Variants in SLC24A4 observed in about 807,000 individuals in gnomAD.
SLC24A4 encodes solute carrier family 24 member 4, also known as sodium/potassium/calcium exchanger 4.
SLC24A4 carries 53 observed loss-of-function variants against 79.0 expected under a neutral mutation model. The observed-to-expected ratio is 0.67, with a 90% CI of 0.54 to 0.84. The LOEUF (loss-of-function observed/expected upper bound fraction) is 0.84, where lower values mean the gene tolerates loss of function less well. Ranked by LOEUF, SLC24A4 falls within the 40% of genes least tolerant of loss-of-function variation. The pLI, the probability that SLC24A4 is intolerant of heterozygous loss-of-function variation, is 0.00. For synonymous variants in SLC24A4, 323 were observed against 323.8 expected (o/e 1.00, Z 0.03); for missense variants, 731 against 822.0 (o/e 0.89, Z 1.35).
rs569504158 is a variant in SLC24A4 at position 92,498,654 on chromosome 14, T to A, written c.*5026T>A. ...CTGGGACTACAGGCACGCGCCACCA[T>A]GCCCAGCTAATTTTTGGATTTTTAG... On this transcript the variant is annotated 3_prime_UTR_variant, in exon 17 of 17. Transcript: ENST00000532405. 1 of 152,302 alleles carries A rather than the reference T, an allele frequency of 6.6e-6. No individual in the cohort carries two copies. The highest frequency in any genetic ancestry group is 1.9e-4 in the East Asian group (1 of 5,168). 9.4% of individuals were successfully genotyped at this position (152,302 alleles called of 1,614,324 possible).
At chr14:92,401,582 G>C (rs980382764) in intron 2 of SLC24A4, among the ~76,000 whole-genome samples, 3 of 152,144 alleles carry the variant, frequency 2.0e-5, no homozygotes, top group African/African-American at 7.2e-5. Context: ...CCCCTCTTTG[G>C]AAGACTATTC....
chr14:92,377,715 C>A (rs549671690), intron 2 of SLC24A4, among the ~76,000 whole-genome samples: 2 of 152,066 alleles, frequency 1.3e-5, no homozygotes, highest in African/African-American at 4.8e-5. Flanking sequence ...GAAGACGGAT[C>A]TGAATGTGCC....
At chr14:92,476,178 T>C (rs4326975) in intron 12 of SLC24A4, among the ~76,000 whole-genome samples, 149,381 of 152,358 alleles carry the variant, frequency 0.98, 73,314 homozygotes, top group Middle Eastern at 1. Flanking sequence ...TACAATTCCC[T>C]AAAGCGAATT....
In SLC24A4 at chr14:92,496,007, G is replaced by C. The variant is rs955327036; in HGVS notation, c.*2379G>C. The C allele has an allele frequency of 6.6e-6, 1 of 152,426 alleles. No homozygotes were observed. The highest frequency in any genetic ancestry group is 2.4e-5 in the African/African-American group (1 of 41,464). The allele number at this position is 152,426 out of a possible 1,614,324, so 9.4% of individuals were successfully genotyped here. On this transcript the variant is annotated 3_prime_UTR_variant, in exon 17 of 17. Coordinates refer to ENST00000532405, the MANE Select transcript of SLC24A4 (RefSeq NM_153646.4). The stretch of plus-strand genomic sequence containing the variant: ...CATGGCCCCTGATGGCGTCCCTGCT[G>C]GTTTTCAATTCTCTGAAGCCTTGTG...
At chr14:92,397,438 G>A (rs1211614549) in intron 2 of SLC24A4, among the ~76,000 whole-genome samples, 1 of 152,242 alleles carries the variant, frequency 6.6e-6, no homozygotes, top group African/African-American at 2.4e-5. Flanking sequence ...GATGAGCCAA[G>A]TGCAGCTTTC....
chr14:92,385,390 G>A (rs541489473), intron 2 of SLC24A4, among the ~76,000 whole-genome samples: 2 of 151,832 alleles, frequency 1.3e-5, no homozygotes, highest in South Asian at 2.1e-4. Context: ...TCAGCTGCTC[G>A]GGAGGCTGAG....
At chr14:92,324,827 A>G (rs1385606391) in intron 1 of SLC24A4, among the ~76,000 whole-genome samples, 2 of 152,208 alleles carry the variant, frequency 1.3e-5, no homozygotes, top group East Asian at 1.9e-4. Flanking sequence ...TGGAAGGTAA[A>G]GCGGGTAGTA....
intron 10 of SLC24A4, 90 bp downstream of exon 10, chr14:92,449,306 ACAC>A: frequency 7.6e-7 from 1 of 1,307,730 alleles, no homozygotes; most frequent in Admixed American, 2.2e-5. Flanking sequence ...ACACACACAC[ACAC>A]ACACACACAC....
chr14:92,474,691 ATG>A (rs1566795028), intron 12 of SLC24A4, among the ~76,000 whole-genome samples: 2 of 27,490 alleles, frequency 7.3e-5, no homozygotes, highest in East Asian at 2.1e-3. Flanking sequence ...ACACATATAT[ATG>A]TATATATACG....
chr14:92,410,588 C>T (rs1388521792), intron 2 of SLC24A4, among the ~76,000 whole-genome samples: 1 of 152,204 alleles, frequency 6.6e-6, no homozygotes, highest in Non-Finnish European at 1.5e-5. Flanking sequence ...CAAACCTGTA[C>T]TGAGCCCTCA....
At chr14:92,376,839 G>A (rs1346322227) in intron 2 of SLC24A4, among the ~76,000 whole-genome samples, 2 of 152,182 alleles carry the variant, frequency 1.3e-5, no homozygotes, top group African/African-American at 4.8e-5. Context: ...GGCAAGGCAG[G>A]GGGGTTGCTA....
In SLC24A4 at chr14:92,410,980, A is replaced by G. The variant is rs182899671; in HGVS notation, c.242-22932A>G. On this transcript the variant is annotated intron_variant, in intron 2 of 16. Coordinates refer to ENST00000532405, the MANE Select transcript of SLC24A4 (RefSeq NM_153646.4). ...GCATATACCCGTGGGAAGTGTGTTC[A>G]TGTCATGTTCTTTCCATTAGCATGG... is the stretch of plus-strand genomic sequence containing the variant. Among the ~76,000 whole-genome samples the G allele has an allele frequency of 1.2e-4, 18 of 152,310 alleles. No individual in the cohort carries two copies. The East Asian group carries it at 3.5e-3, about 29-fold the overall frequency.
chr14:92,332,166 C>T (rs558408928), intron 2 of SLC24A4, among the ~76,000 whole-genome samples: 9 of 152,038 alleles, frequency 5.9e-5, no homozygotes, highest in Non-Finnish European at 1.3e-4. Flanking sequence ...CCTGTAATCC[C>T]AGCTACTCAG....
intron 2 of SLC24A4, among the ~76,000 whole-genome samples, chr14:92,423,282 T>C (rs2141823018): frequency 6.6e-6 from 1 of 152,152 alleles, no homozygotes; most frequent in East Asian, 1.9e-4. Flanking sequence ...GTAGCTGGGA[T>C]TACAGGCACG....
At chr14:92,457,907 G>C (rs1893573884) in intron 12 of SLC24A4, among the ~76,000 whole-genome samples, 1 of 152,362 alleles carries the variant, frequency 6.6e-6, no homozygotes, top group South Asian at 2.1e-4. Context: ...GTCCCATCTT[G>C]ATGGGAACAC....
chr14:92,387,784 AC>A (rs1173665269), intron 2 of SLC24A4, among the ~76,000 whole-genome samples: 1 of 152,228 alleles, frequency 6.6e-6, no homozygotes, highest in Non-Finnish European at 1.5e-5. Flanking sequence ...TGCTCCAGGT[AC>A]CTCAAAGAAG....
Position 92,501,117 on chromosome 14 carries a change from C to T in SLC24A4, c.*7489C>T, listed in dbSNP as rs530767702. The T allele has an allele frequency of 7.2e-5, 11 of 152,366 alleles. No homozygotes were observed. The highest frequency in any genetic ancestry group is 4.1e-4 in the South Asian group (2 of 4,830). The allele number at this position is 152,366 out of a possible 1,614,324, so 9.4% of individuals were successfully genotyped here. A position where few individuals can be genotyped will look rare whatever the true frequency, so the allele number is the denominator to read the frequency against. On this transcript the variant is annotated 3_prime_UTR_variant, in exon 17 of 17. Coordinates refer to ENST00000532405, the MANE Select transcript of SLC24A4 (RefSeq NM_153646.4). ...CACATTGTTCAAGTCACCCCAAGATCGTTCTGGCACGCTGAGCTGAACACC... is the reference window on the plus strand; with the variant it reads ...CACATTGTTCAAGTCACCCCAAGATTGTTCTGGCACGCTGAGCTGAACACC...
chr14:92,397,924 C>A (rs1317119164), intron 2 of SLC24A4, among the ~76,000 whole-genome samples: 2 of 152,140 alleles, frequency 1.3e-5, no homozygotes, highest in Non-Finnish European at 2.9e-5. Flanking sequence ...TCAAATCAGT[C>A]CTGAATTACA....
chr14:92,483,366 T>G lies in SLC24A4; in HGVS notation c.1422+520T>G, dbSNP rs1347324947. ...CATGGGATGGGTGCTATTATCTCCA[T>G]CTAACGAATGGGGGAAATCGAGGCA... On this transcript the variant is annotated intron_variant, in intron 13 of 16. Transcript: ENST00000532405. 2.0e-5 allele frequency among the ~76,000 whole-genome samples: 3 copies of G among 152,318 alleles called. No individual in the cohort carries two copies. The East Asian group carries it at 5.8e-4, about 29-fold the overall frequency.
Sources: gnomAD v4.1 joint callset for allele counts (sites outside exome capture counted in the v4.1 genomes callset) on GRCh38, gnomAD v4.1.1 for gene constraint, MANE v1.5 for transcripts, NCBI Gene and HGNC (gene_info 2026-07-23, HGNC 2026-07-21) for gene names.